Variants in IRGM observed in about 807,000 individuals in gnomAD.
IRGM encodes immunity-related GTPase family M protein.
For synonymous variants in IRGM, 98 were observed against 80.6 expected, an observed-to-expected ratio of 1.22 and a Z score of -1.16; for missense variants, 288 against 219.9, an observed-to-expected ratio of 1.31 and a Z score of -1.96.
At chr5:150,857,849 C>T (rs150141257) in intron 1 of IRGM, among the ~76,000 whole-genome samples, 5,909 of 151,832 alleles carry the variant, frequency 0.039, 191 homozygotes, top group East Asian at 0.18. Flanking sequence ...GAGTAGGTTG[C>T]GAAAATTTTC....
intron 3 of IRGM, among the ~76,000 whole-genome samples, chr5:150,879,862 G>T (rs1754419663): frequency 6.6e-6 from 1 of 152,156 alleles, no homozygotes; most frequent in Admixed American, 6.6e-5. Flanking sequence ...CAGATAAAAA[G>T]ATAGCTTGTG....
chr5:150,900,069 T>C (rs1349739289), intron 3 of IRGM, among the ~76,000 whole-genome samples: 1 of 152,084 alleles, frequency 6.6e-6, no homozygotes, highest in African/African-American at 2.4e-5. Flanking sequence ...AATTTTCCTA[T>C]TGTACATATA....
chr5:150,869,509 G>A (rs2113275067), intron 1 of IRGM, among the ~76,000 whole-genome samples: 1 of 151,994 alleles, frequency 6.6e-6, no homozygotes, highest in Admixed American at 6.5e-5. Context: ...GATTTAGAGA[G>A]GATTCTCTCT....
At chr5:150,885,231 G>A (rs974928051) in intron 3 of IRGM, among the ~76,000 whole-genome samples, 4 of 152,006 alleles carry the variant, frequency 2.6e-5, no homozygotes, top group Admixed American at 2.0e-4. Context: ...TCCCAGGTGT[G>A]CAGCCTTATT....
chr5:150,848,014 G>C lies in IRGM; in HGVS notation c.-110G>C, dbSNP rs1436175154. 10 of 808,154 alleles carry C rather than the reference G, an allele frequency of 1.2e-5. No individual in the cohort carries two copies. In the African/African-American group the frequency reaches 1.4e-4, roughly 11 times the overall value. 50.1% of individuals were successfully genotyped at this position (808,154 alleles called of 1,614,324 possible). ...GAGAAGGTTTCACGATGTTGGCCAG[G>C]ATGGTCTCAATCTCCTGACCTCGTG... On this transcript the variant is annotated 5_prime_UTR_variant, in exon 2 of 2. Transcript: ENST00000522154.
At chr5:150,876,834 G>A (rs1286577260) in intron 1 of IRGM, among the ~76,000 whole-genome samples, 1 of 152,230 alleles carries the variant, frequency 6.6e-6, no homozygotes, top group East Asian at 1.9e-4. Context: ...CTACGACCAT[G>A]TGACCAGTTG....
chr5:150,898,152 T>A, intron 3 of IRGM: 2 of 1,613,528 alleles, frequency 1.2e-6, no homozygotes, highest in Non-Finnish European at 1.7e-6. Context: ...TGTTCCAACT[T>A]GGAGATGACA....
At chr5:150,874,792 G>T (rs1282133540) in intron 1 of IRGM, among the ~76,000 whole-genome samples, 4 of 152,188 alleles carry the variant, frequency 2.6e-5, no homozygotes, top group African/African-American at 9.7e-5. Context: ...CACAATGGAG[G>T]CCTCTAGGAT....
chr5:150,865,352 G>A (rs1754191762), intron 1 of IRGM, among the ~76,000 whole-genome samples: 1 of 143,654 alleles, frequency 7.0e-6, no homozygotes, highest in African/African-American at 2.9e-5. Context: ...TAATTTGGAA[G>A]ATGTTACATA....
chr5:150,860,599 A>ATAAT (rs1241036562), intron 1 of IRGM, among the ~76,000 whole-genome samples: 1 of 152,210 alleles, frequency 6.6e-6, no homozygotes, highest in Non-Finnish European at 1.5e-5. Flanking sequence ...CAAAGAGTTA[A>ATAAT]TAATTATGCA....
intron 1 of IRGM, among the ~76,000 whole-genome samples, chr5:150,873,746 G>T (rs1309426257): frequency 6.6e-6 from 1 of 152,200 alleles, no homozygotes; most frequent in Non-Finnish European, 1.5e-5. Context: ...CCCCACAGTG[G>T]CTCCCTGACT....
intron 1 of IRGM, among the ~76,000 whole-genome samples, chr5:150,869,068 CAG>C (rs1713943796): frequency 6.6e-6 from 1 of 152,104 alleles, no homozygotes; most frequent in African/African-American, 2.4e-5. Flanking sequence ...TTCCAGTTCT[CAG>C]GGGGAATTCT....
intron 1 of IRGM, among the ~76,000 whole-genome samples, chr5:150,872,217 AAG>A (rs1401731646): frequency 6.6e-6 from 1 of 152,228 alleles, no homozygotes; most frequent in Non-Finnish European, 1.5e-5. Context: ...ATTCCTGATG[AAG>A]CTGGGGACAC....
At chr5:150,852,059 C>T (rs149565965), downstream of IRGM, among the ~76,000 whole-genome samples, 2 of 152,226 alleles carry the variant, frequency 1.3e-5, no homozygotes, top group Non-Finnish European at 2.9e-5. Context: ...ATCTTTTGGG[C>T]CTTTTCAAAG....
intron 1 of IRGM, among the ~76,000 whole-genome samples, chr5:150,859,200 T>A (rs1754101020): frequency 6.6e-6 from 1 of 152,216 alleles, no homozygotes; most frequent in Non-Finnish European, 1.5e-5. Context: ...GGTTTTTGTC[T>A]TTGGTTCTGT....
At position 150,871,014 on chromosome 5, in the gene IRGM, C is replaced by T. The variant is rs559497781; in HGVS notation, c.159-6966C>T. Among the ~76,000 whole-genome samples the T allele has an allele frequency of 1.4e-3, 217 of 151,360 alleles. 1 individual carries two copies. The highest frequency in any genetic ancestry group is 2.5e-3 in the Non-Finnish European group (169 of 67,834). On this transcript the variant is annotated intron_variant and NMD_transcript_variant, in intron 1 of 3. Coordinates refer to the IRGM transcript ENST00000520549. ...AAGTGGTATGGTGGGAGGAGAAAAA[C>T]GGCCAGAAAAAGGAAAACAAAAAAG...
chr5:150,893,305 C>T (rs913639574), intron 3 of IRGM, among the ~76,000 whole-genome samples: 3 of 152,118 alleles, frequency 2.0e-5, no homozygotes, highest in Non-Finnish European at 2.9e-5. Context: ...CATGATTACT[C>T]GTGTAACACC....
At chr5:150,869,425 T>C (rs1294642056) in intron 1 of IRGM, among the ~76,000 whole-genome samples, 1 of 152,172 alleles carries the variant, frequency 6.6e-6, no homozygotes, top group East Asian at 1.9e-4. Context: ...ATCGGGGATA[T>C]TGATCTGTAG....
At chr5:150,870,010 G>A (rs74904006) in intron 1 of IRGM, among the ~76,000 whole-genome samples, 2 of 152,124 alleles carry the variant, frequency 1.3e-5, no homozygotes, top group Admixed American at 1.3e-4. Flanking sequence ...GACCTCCAAA[G>A]CCTGTGGACA....
Sources: allele counts gnomAD v4.1 joint callset (sites outside exome capture counted in the v4.1 genomes callset), GRCh38; gene constraint gnomAD v4.1.1; transcripts MANE v1.5; gene names NCBI Gene and HGNC (gene_info 2026-07-23, HGNC 2026-07-21).